Variants in RFTN2 observed in about 807,000 individuals in gnomAD.
RFTN2 encodes the protein raftlin-2.
RFTN2 carries 34 observed loss-of-function variants against 52.7 expected under a neutral mutation model. The observed-to-expected ratio is 0.64, with a 90% CI of 0.49 to 0.86. RFTN2 has a LOEUF of 0.86. Among genes scored for constraint, RFTN2 ranks in the 40% least tolerant of loss-of-function variants. RFTN2 has a pLI of 0.00. For synonymous variants in RFTN2, 203 were observed against 217.7 expected, an observed-to-expected ratio of 0.93 and a Z score of 0.59; for missense variants, 536 against 600.1, an observed-to-expected ratio of 0.89 and a Z score of 1.12.
chr2:197,646,047 A>T (rs558885015), intron 2 of RFTN2, among the ~76,000 whole-genome samples: 1 of 152,304 alleles, frequency 6.6e-6, no homozygotes, highest in African/African-American at 2.4e-5. Context: ...AAGTTTTAGA[A>T]TGTAGAGATA....
chr2:197,637,245 C>T (rs922433309), intron 3 of RFTN2, among the ~76,000 whole-genome samples: 13 of 151,930 alleles, frequency 8.6e-5, no homozygotes, highest in Non-Finnish European at 1.3e-4. Context: ...CAGAATGATG[C>T]TAGCCTCATA....
chr2:197,645,387 C>A lies in RFTN2; in HGVS notation c.323+1096G>T, dbSNP rs553713188. Among the ~76,000 whole-genome samples the A allele has an allele frequency of 9.1e-4, 139 of 152,266 alleles. 3 individuals are homozygous for A. The South Asian group carries it at 0.028, about 30-fold the overall frequency. On this transcript the variant is annotated intron_variant, in intron 2 of 8. Transcript: ENST00000295049. ...TTGTGTAAGTACACTCTATGATGTTCACACAATGACAAAGCAGCCTAAGGA... is the reference window on the plus strand; with the variant it reads ...TTGTGTAAGTACACTCTATGATGTTAACACAATGACAAAGCAGCCTAAGGA...
chr2:197,640,436 G>A (rs1159767079), intron 3 of RFTN2, among the ~76,000 whole-genome samples: 1 of 152,256 alleles, frequency 6.6e-6, no homozygotes, highest in Non-Finnish European at 1.5e-5. Flanking sequence ...ATAATCTCGT[G>A]GTGCGCCGTT....
At chr2:197,631,291 T>G in intron 4 of RFTN2, 71 bp from the exon 5 acceptor site, 1 of 1,067,478 alleles carries the variant, frequency 9.4e-7, no homozygotes, top group Non-Finnish European at 1.4e-6. Context: ...ATTTTTTCAC[T>G]AATCATGAGA....
chr2:197,672,740 C>T (rs2089163974), intron 1 of RFTN2, among the ~76,000 whole-genome samples: 1 of 152,166 alleles, frequency 6.6e-6, no homozygotes, highest in Non-Finnish European at 1.5e-5. Context: ...AGCCTAGATT[C>T]AGGACCCCAA....
At chr2:197,669,678 T>G (rs565485395) in intron 1 of RFTN2, among the ~76,000 whole-genome samples, 69 of 152,296 alleles carry the variant, frequency 4.5e-4, no homozygotes, top group Non-Finnish European at 7.6e-4. Context: ...CCTATGAGAA[T>G]CCAATGCCGT....
At chr2:197,623,176 A>G (rs1381718360) in intron 5 of RFTN2, among the ~76,000 whole-genome samples, 1 of 152,228 alleles carries the variant, frequency 6.6e-6, no homozygotes, top group Non-Finnish European at 1.5e-5. Flanking sequence ...AATAAATTAA[A>G]ACCTTCTGGA....
chr2:197,601,346 CT>C (rs1328161578), intron 7 of RFTN2, among the ~76,000 whole-genome samples: 1 of 152,188 alleles, frequency 6.6e-6, no homozygotes, highest in African/African-American at 2.4e-5. Context: ...ATCTCTTGGA[CT>C]AAACTAATAA....
chr2:197,592,571 A>G (rs114117868), intron 8 of RFTN2, among the ~76,000 whole-genome samples: 103 of 152,340 alleles, frequency 6.8e-4, no homozygotes, highest in Non-Finnish European at 8.8e-4. Context: ...ATGAAAACTC[A>G]TTGACAATCC....
intron 1 of RFTN2, among the ~76,000 whole-genome samples, chr2:197,655,537 A>G (rs1444802853): frequency 3.9e-5 from 6 of 152,210 alleles, no homozygotes; most frequent in African/African-American, 1.4e-4. Flanking sequence ...TTATGTAAAG[A>G]TCATGGGGCC....
chr2:197,582,744 CT>C (rs1159726721), intron 8 of RFTN2, among the ~76,000 whole-genome samples: 2 of 152,158 alleles, frequency 1.3e-5, no homozygotes, highest in African/African-American at 4.8e-5. Flanking sequence ...TCATTAATGC[CT>C]CTTTAATAAA....
At chr2:197,648,967 A>G (rs1367460278) in intron 1 of RFTN2, among the ~76,000 whole-genome samples, 2 of 152,248 alleles carry the variant, frequency 1.3e-5, no homozygotes, top group Admixed American at 1.3e-4. Context: ...CCTTAAGGGA[A>G]AGGAACCTAC....
At chr2:197,603,469 A>AT (rs2087911534) in intron 7 of RFTN2, among the ~76,000 whole-genome samples, 1 of 152,218 alleles carries the variant, frequency 6.6e-6, no homozygotes, top group African/African-American at 2.4e-5. Flanking sequence ...ATAGGTAGAG[A>AT]TTTTTTAAAT....
Position 197,638,878 on chromosome 2 carries a change from C to T in RFTN2, c.439-4881G>A, listed in dbSNP as rs1481734999. Among the ~76,000 whole-genome samples, 138 of 150,998 alleles carry T rather than the reference C, an allele frequency of 9.1e-4. 1 individual carries two copies. Among genetic ancestry groups the T allele is most frequent in the African/African-American group, 2.8e-3 (113 of 41,082 alleles). On this transcript the variant is annotated intron_variant, in intron 3 of 8. Coordinates refer to ENST00000295049, the MANE Select transcript of RFTN2 (RefSeq NM_144629.3). ...GGCATGATTTTGCAGCGGCTGGTAC[C>T]GGTTGTTCCTTTCCATGTTTAGTGC...
At chr2:197,608,237 G>C (rs1382628405) in intron 7 of RFTN2, among the ~76,000 whole-genome samples, 1 of 152,110 alleles carries the variant, frequency 6.6e-6, no homozygotes, top group East Asian at 1.9e-4. Flanking sequence ...AAATGGAAGA[G>C]GGGAGCAGAG....
intron 8 of RFTN2, among the ~76,000 whole-genome samples, chr2:197,587,719 G>C (rs1021952376): frequency 6.6e-6 from 1 of 152,148 alleles, no homozygotes; most frequent in Non-Finnish European, 1.5e-5. Flanking sequence ...ACACAGACAC[G>C]TGTGACATGT....
chr2:197,637,136 T>G (rs1314294609), intron 3 of RFTN2, among the ~76,000 whole-genome samples: 37 of 148,870 alleles, frequency 2.5e-4, no homozygotes, highest in Non-Finnish European at 3.9e-4. Context: ...GCTGGATTCG[T>G]TTTGCCAGTA....
At chr2:197,587,366 C>G (rs2087617923) in intron 8 of RFTN2, among the ~76,000 whole-genome samples, 1 of 152,082 alleles carries the variant, frequency 6.6e-6, no homozygotes, top group Non-Finnish European at 1.5e-5. Flanking sequence ...GAATGTCAGG[C>G]CTCTGAGCCC....
intron 3 of RFTN2, among the ~76,000 whole-genome samples, chr2:197,642,449 A>C (rs903346363): frequency 6.6e-6 from 1 of 152,200 alleles, no homozygotes; most frequent in African/African-American, 2.4e-5. Flanking sequence ...TTTTCATTTA[A>C]GTTTCAATTA....
Sources: gnomAD v4.1 joint callset for allele counts (sites outside exome capture counted in the v4.1 genomes callset) on GRCh38, gnomAD v4.1.1 for gene constraint, MANE v1.5 for transcripts, NCBI Gene and HGNC (gene_info 2026-07-23, HGNC 2026-07-21) for gene names.